MORC1: variants seen among roughly 807,000 people sequenced by gnomAD.
MORC1 encodes MORC family CW-type zinc finger 1, also known as MORC family CW-type zinc finger protein 1.
In MORC1, 59 loss-of-function variants were observed where a neutral mutation model predicts 134.9. The ratio of observed to expected loss-of-function variants is 0.44; its 90% CI spans 0.35 to 0.54. The LOEUF is 0.54. Among genes scored for constraint, MORC1 ranks in the 20% least tolerant of loss-of-function variants. The pLI is 0.00. For synonymous variants in MORC1, 395 were observed against 391.7 expected (o/e 1.01, Z -0.10); for missense variants, 947 against 1,134.5 (o/e 0.83, Z 2.37).
At chr3:109,103,718 A>G in intron 4 of MORC1, 131 bp downstream of exon 4, 1 of 748,254 alleles carries the variant, frequency 1.3e-6, no homozygotes, top group Non-Finnish European at 2.1e-6. Context: ...AAAGTTCAAC[A>G]AAAAGTCTGG....
chr3:109,054,979 T>C (rs1393154423), intron 13 of MORC1, 97 bp from the exon 14 acceptor site: 5 of 1,146,190 alleles, frequency 4.4e-6, no homozygotes, highest in East Asian at 2.6e-5. Flanking sequence ...TTTTCAAAAA[T>C]AAATTCATTC....
Position 109,035,281 on chromosome 3 carries a change from T to C in MORC1, c.1459+59A>G, listed in dbSNP as rs539888117. The stretch of plus-strand genomic sequence containing the variant: ...CCTCATCCCTCATTTCTTAACACAA[T>C]GACTTGCATATTTAAGAGCCCTTAA... On this transcript the variant is annotated intron_variant, in intron 15 of 27. Coordinates refer to ENST00000232603, the MANE Select transcript of MORC1 (RefSeq NM_014429.4). 4,180 of 1,457,726 alleles carry C rather than the reference T, an allele frequency of 2.9e-3. 23 individuals carry two copies. The highest frequency in any genetic ancestry group is 2.8e-3 in the Non-Finnish European group (3,015 of 1,068,690). 90.3% of individuals were successfully genotyped at this position (1,457,726 alleles called of 1,614,324 possible).
intron 17 of MORC1, among the ~76,000 whole-genome samples, chr3:109,009,197 G>GTTTTTTTTTTTT (rs201228015): frequency 1.5e-5 from 2 of 133,806 alleles, no homozygotes; most frequent in Non-Finnish European, 1.6e-5. Context: ...CTATTTTTAC[G>GTTTTTTTTTTTT]TTTTTTGTTG....
At chr3:109,058,477 T>C (rs1950011239) in intron 12 of MORC1, among the ~76,000 whole-genome samples, 1 of 152,128 alleles carries the variant, frequency 6.6e-6, no homozygotes, top group Non-Finnish European at 1.5e-5. Flanking sequence ...GTTTTCAGGC[T>C]TATGACCACG....
intron 24 of MORC1, among the ~76,000 whole-genome samples, chr3:108,972,000 TAC>T (rs1460311434): frequency 6.6e-6 from 1 of 152,192 alleles, no homozygotes; most frequent in East Asian, 1.9e-4. Flanking sequence ...GTAGGCTGAC[TAC>T]AGACTTACTG....
intron 6 of MORC1, among the ~76,000 whole-genome samples, chr3:109,095,462 G>C (rs932557619): frequency 2.0e-5 from 3 of 152,170 alleles, no homozygotes; most frequent in African/African-American, 4.8e-5. Context: ...GTAATTCTCA[G>C]GGACTGATGG....
chr3:109,104,142 T>C (rs1950979123), intron 3 of MORC1, among the ~76,000 whole-genome samples: 1 of 152,122 alleles, frequency 6.6e-6, no homozygotes, highest in Non-Finnish European at 1.5e-5. Context: ...ACAAAACATC[T>C]ACATGTGAAA....
chr3:108,997,099 G>A (rs1009128249), intron 21 of MORC1, among the ~76,000 whole-genome samples: 8 of 150,434 alleles, frequency 5.3e-5, no homozygotes, highest in African/African-American at 1.5e-4. Flanking sequence ...GACAAATGAA[G>A]CTCCACACCA....
intron 14 of MORC1, among the ~76,000 whole-genome samples, chr3:109,037,549 G>T (rs1175920405): frequency 6.6e-6 from 1 of 152,152 alleles, no homozygotes; most frequent in East Asian, 1.9e-4. Context: ...CCATCAACTC[G>T]TCGTTTACAT....
intron 13 of MORC1, 59 bp downstream of exon 13, chr3:109,057,284 G>A: frequency 1.3e-6 from 2 of 1,533,744 alleles, no homozygotes; most frequent in Non-Finnish European, 8.8e-7. Context: ...TCCACAGACA[G>A]AATCTTACTG....
intron 16 of MORC1, among the ~76,000 whole-genome samples, chr3:109,030,200 C>A (rs4553978): frequency 1.6e-4 from 24 of 151,998 alleles, no homozygotes; most frequent in Non-Finnish European, 2.8e-4. Flanking sequence ...CTGCTACTCA[C>A]AGACTATTCC....
intron 11 of MORC1, 48 bp from the exon 12 acceptor site, chr3:109,059,918 C>T: frequency 1.3e-6 from 2 of 1,516,640 alleles, no homozygotes; most frequent in Non-Finnish European, 1.8e-6. Flanking sequence ...ACTGAATTAA[C>T]AAAAAGCAAG....
intron 27 of MORC1, among the ~76,000 whole-genome samples, chr3:108,963,187 C>CA (rs34109895): frequency 0.031 from 3,496 of 112,172 alleles, 50 homozygotes; most frequent in Admixed American, 0.06. Flanking sequence ...GACTCCATCT[C>CA]AAAAAAAAAA....
In MORC1 at chr3:109,094,673, C is replaced by T. The variant is rs1252692113; in HGVS notation, c.583+236G>A. On this transcript the variant is annotated intron_variant, in intron 7 of 27. Coordinates refer to ENST00000232603, the MANE Select transcript of MORC1 (RefSeq NM_014429.4). ...CATAGCCTGTATCATCCTCTTCTTA[C>T]CCAGTTTCACCAAGCTCATGCAAGT... Among the ~76,000 whole-genome samples, 3 of 152,094 alleles carry T rather than the reference C, an allele frequency of 2.0e-5. No individual in the cohort carries two copies. The East Asian group carries it at 5.8e-4, about 29-fold the overall frequency.
intron 14 of MORC1, 54 bp from the exon 15 acceptor site, chr3:109,035,522 A>G: frequency 8.4e-7 from 1 of 1,190,878 alleles, no homozygotes; most frequent in South Asian, 1.5e-5. Context: ...TTAAAATCAA[A>G]ACAATTGGCA....
At chr3:108,974,270 A>G (rs1323788585) in intron 24 of MORC1, among the ~76,000 whole-genome samples, 4 of 152,208 alleles carry the variant, frequency 2.6e-5, no homozygotes, top group Non-Finnish European at 4.4e-5. Flanking sequence ...TTCCTGTAAA[A>G]TTAATTCAGG....
chr3:109,030,524 C>T (rs1048116585), intron 16 of MORC1, among the ~76,000 whole-genome samples: 1 of 152,162 alleles, frequency 6.6e-6, no homozygotes, highest in Non-Finnish European at 1.5e-5. Context: ...TTTCTTGCTG[C>T]CACTTTAAGC....
intron 25 of MORC1, among the ~76,000 whole-genome samples, chr3:108,970,894 G>A (rs1385094543): frequency 6.6e-6 from 1 of 152,172 alleles, no homozygotes. Context: ...TTCCTGAGAG[G>A]AGATTTGGTA....
At chr3:109,098,955 G>A (rs972786179) in intron 6 of MORC1, among the ~76,000 whole-genome samples, 3 of 152,188 alleles carry the variant, frequency 2.0e-5, no homozygotes, top group African/African-American at 7.2e-5. Flanking sequence ...ATGGTCACCA[G>A]AGTTACAGTT....
Sources: gnomAD v4.1 joint callset for allele counts (sites outside exome capture counted in the v4.1 genomes callset) on GRCh38, gnomAD v4.1.1 for gene constraint, MANE v1.5 for transcripts, NCBI Gene and HGNC (gene_info 2026-07-23, HGNC 2026-07-21) for gene names.